PLEKHA7: variants seen among roughly 807,000 people sequenced by gnomAD.
PLEKHA7 encodes the protein pleckstrin homology domain containing A7.
Under a neutral mutation model 170.0 loss-of-function variants are expected in PLEKHA7, and 104 were observed. The observed-to-expected ratio is 0.61, with a 90% CI of 0.52 to 0.72. PLEKHA7 has a LOEUF of 0.72. PLEKHA7 is among the 30% of genes least tolerant of loss of function. The pLI, the probability that PLEKHA7 is intolerant of heterozygous loss-of-function variation, is 0.00. For missense variants in PLEKHA7, 1,615 were observed against 1,671.7 expected, an observed-to-expected ratio of 0.97 and a Z score of 0.59; for synonymous variants, 648 against 660.8, an observed-to-expected ratio of 0.98 and a Z score of 0.30.
intron 3 of PLEKHA7, among the ~76,000 whole-genome samples, chr11:16,875,682 C>A (rs1198905578): frequency 6.6e-6 from 1 of 151,974 alleles, no homozygotes; most frequent in African/African-American, 2.4e-5. Flanking sequence ...TGAGCTCAAG[C>A]AATCTACCCC....
intron 3 of PLEKHA7, among the ~76,000 whole-genome samples, chr11:16,889,420 A>AAAATATAT (rs61086849): frequency 8.0e-5 from 6 of 74,680 alleles, no homozygotes; most frequent in Non-Finnish European, 1.4e-4. Flanking sequence ...AAAAAAAAAA[A>AAAATATAT]ATATATATAT....
intron 1 of PLEKHA7, 26 bp downstream of exon 1, chr11:17,014,290 C>A: frequency 7.0e-7 from 1 of 1,425,984 alleles, no homozygotes; most frequent in Non-Finnish European, 9.2e-7. Context: ...CCCGCGTCCC[C>A]GCGTCCCCGG....
chr11:16,877,460 T>C lies in PLEKHA7; in HGVS notation c.222-6278A>G, dbSNP rs1855387240. On this transcript the variant is annotated intron_variant, in intron 3 of 26. Transcript: ENST00000531066. ...ATCTCTATGTTTCCTCAATTGTTTT[T>C]TAAGCTCCTTGTGACTAATTTTACT... is the stretch of plus-strand genomic sequence containing the variant. 2.6e-5 allele frequency among the ~76,000 whole-genome samples: 4 copies of C among 152,244 alleles called. No homozygotes were observed. The South Asian group carries it at 8.3e-4, about 32-fold the overall frequency.
At chr11:16,975,831 T>C (rs1272087661) in intron 3 of PLEKHA7, among the ~76,000 whole-genome samples, 1 of 152,252 alleles carries the variant, frequency 6.6e-6, no homozygotes. Flanking sequence ...TTATGACTTT[T>C]TTAAATGCTT....
At chr11:16,916,834 A>C (rs1399173070) in intron 3 of PLEKHA7, among the ~76,000 whole-genome samples, 1 of 152,066 alleles carries the variant, frequency 6.6e-6, no homozygotes, top group African/African-American at 2.4e-5. Context: ...CCTCCAACTT[A>C]TCCTCAGTGG....
chr11:17,013,859 G>C lies in PLEKHA7; in HGVS notation c.221+130C>G, dbSNP rs147752044. 267 of 1,121,126 alleles carry C rather than the reference G, an allele frequency of 2.4e-4. No homozygotes were observed. In the African/African-American group the frequency reaches 4.1e-3, roughly 17 times the overall value. 69.4% of individuals were successfully genotyped at this position (1,121,126 alleles called of 1,614,324 possible). ...CTTGGGCACACAAAACGTTGAGTGT[G>C]GCCGCGGCGCAGCGCGCGCCAACGA... On this transcript the variant is annotated intron_variant, in intron 3 of 26. Coordinates refer to ENST00000531066, the MANE Select transcript of PLEKHA7 (RefSeq NM_001329630.2).
At position 16,782,861 on chromosome 11, in the gene PLEKHA7, T is replaced by C. The variant is rs1275005403; in HGVS notation, c.3686A>G (p.Gln1229Arg). 5 of 1,536,192 alleles carry C rather than the reference T, an allele frequency of 3.3e-6. No individual in the cohort carries two copies. The highest frequency in any genetic ancestry group is 2.4e-5 in the South Asian group (2 of 84,070). Residue 1229 changes from glutamine (Q) to arginine (R), a missense_variant, in exon 26 of 27, where the codon CAG becomes CGG. By Grantham distance (43) the Gln-to-Arg change is conservative (BLOSUM62 1). Coordinates refer to ENST00000531066, the MANE Select transcript of PLEKHA7 (RefSeq NM_001329630.2). ...CNLQPTSGQD[Q>R]NSVADLDLQL... is the part of the protein sequence containing the mutation. ...CAAGTCCAGGTCAGCCACACTGTTC[T>C]GGTCCTGGCCTGAGGTCGGCTGTAG...
chr11:16,980,725 C>T (rs1189054027), intron 3 of PLEKHA7, among the ~76,000 whole-genome samples: 1 of 152,000 alleles, frequency 6.6e-6, no homozygotes, highest in African/African-American at 2.4e-5. Flanking sequence ...GAGTTGAGAC[C>T]AGCCTGGCCA....
intron 9 of PLEKHA7, among the ~76,000 whole-genome samples, chr11:16,839,934 G>T (rs1484573703): frequency 6.6e-6 from 1 of 152,112 alleles, no homozygotes; most frequent in African/African-American, 2.4e-5. Context: ...GACTGTGTTG[G>T]GGAGAAAGAT....
chr11:17,014,048 T>C lies in PLEKHA7; in HGVS notation c.164-2A>G. The C allele has an allele frequency of 6.4e-7, 1 of 1,564,368 alleles. No individual in the cohort carries two copies. Among genetic ancestry groups the C allele is most frequent in the Admixed American group, 1.9e-5 (1 of 52,748 alleles). On this transcript the variant is annotated splice_acceptor_variant, in intron 2 of 26. Coordinates refer to ENST00000531066, the MANE Select transcript of PLEKHA7 (RefSeq NM_001329630.2). LOFTEE classifies it high-confidence loss of function. ...CCTCCTCCCAGCCGCGGGGCAGGTC[T>C]GCGGAAACGCCAGAAAAGTCGGGTC...
intron 5 of PLEKHA7, 91 bp from the exon 6 acceptor site, chr11:16,855,084 G>T: frequency 1.9e-6 from 2 of 1,035,930 alleles, no homozygotes; most frequent in Non-Finnish European, 1.5e-6. Context: ...GGCTCTCTCT[G>T]CCTCACTCTA....
At chr11:17,004,731 G>A (rs181351479) in intron 3 of PLEKHA7, among the ~76,000 whole-genome samples, 2 of 152,120 alleles carry the variant, frequency 1.3e-5, no homozygotes, top group African/African-American at 4.8e-5. Context: ...ACCCCTCTGA[G>A]CCCAAATTCC....
chr11:16,789,704 TG>T lies in PLEKHA7; in HGVS notation c.3156+70del. 1 of 1,382,812 alleles carries T rather than the reference TG, an allele frequency of 7.2e-7. No individual in the cohort carries two copies. The highest frequency in any genetic ancestry group is 1.0e-6 in the Non-Finnish European group (1 of 986,876). 85.7% of individuals were successfully genotyped at this position (1,382,812 alleles called of 1,614,324 possible). A position where few individuals can be genotyped will look rare whatever the true frequency, so the allele number is the denominator to read the frequency against. On this transcript the variant is annotated intron_variant, in intron 22 of 26. Transcript: ENST00000531066. The surrounding 1 kb of genome is among the most constrained non-coding windows in gnomAD (Gnocchi z 4.6). The stretch of plus-strand genomic sequence containing the variant: ...CAGGGCTGAAGGGATGGCCAGTTAC[TG>T]TCCCCCTGGGAGACCCTCCCTCCCC...
intron 3 of PLEKHA7, among the ~76,000 whole-genome samples, chr11:17,007,865 A>C (rs2137105540): frequency 6.6e-6 from 1 of 152,270 alleles, no homozygotes; most frequent in Admixed American, 6.5e-5. Flanking sequence ...GTGAACCACC[A>C]CGCCCGGCCT....
chr11:16,937,615 CTT>C (rs199658017), intron 3 of PLEKHA7, among the ~76,000 whole-genome samples: 1 of 145,104 alleles, frequency 6.9e-6, no homozygotes, highest in African/African-American at 2.5e-5. Flanking sequence ...TTTTTCTTTT[CTT>C]TTTTTTTTTA....
chr11:16,984,902 C>T (rs959657153), intron 3 of PLEKHA7, among the ~76,000 whole-genome samples: 1 of 152,168 alleles, frequency 6.6e-6, no homozygotes, highest in Non-Finnish European at 1.5e-5. Context: ...GAAACTGAAG[C>T]TCAGAAAAGT....
At position 16,855,944 on chromosome 11, in the gene PLEKHA7, A is replaced by T. The variant is rs773586522; in HGVS notation, c.306-30T>A. On this transcript the variant is annotated intron_variant, in intron 4 of 26. Transcript: ENST00000531066. ...GAGGAGACAGGGGATTCCAGTGAGT[A>T]AAAGCCGAGCTATAGAGTAGGAAGT... 39 of 1,557,186 alleles carry T rather than the reference A, an allele frequency of 2.5e-5. 1 individual carries two copies. The highest frequency in any genetic ancestry group is 3.3e-5 in the Non-Finnish European group (37 of 1,129,336).
chr11:16,889,587 A>C (rs970938096), intron 3 of PLEKHA7, among the ~76,000 whole-genome samples: 1 of 151,426 alleles, frequency 6.6e-6, no homozygotes. Context: ...GAGTGACAGG[A>C]GTCAACACCA....
chr11:16,978,503 T>C (rs768147000), intron 3 of PLEKHA7, among the ~76,000 whole-genome samples: 2 of 152,254 alleles, frequency 1.3e-5, no homozygotes, highest in Non-Finnish European at 2.9e-5. Flanking sequence ...GGTAGCAGGC[T>C]AGATGCTGCA....
Sources: allele counts gnomAD v4.1 joint callset (sites outside exome capture counted in the v4.1 genomes callset), GRCh38; gene constraint gnomAD v4.1.1; non-coding constraint Gnocchi (gnomAD v3.1); transcripts MANE v1.5; gene names NCBI Gene and HGNC (gene_info 2026-07-23, HGNC 2026-07-21).